The following ARHGAP25 variants were observed in gnomAD, a reference collection of about 807,000 sequenced individuals.
ARHGAP25 encodes rho GTPase-activating protein 25.
A neutral mutation model predicts 71.0 loss-of-function variants in ARHGAP25; 34 were observed. The observed-to-expected ratio is 0.48, with a 90% CI of 0.36 to 0.64. ARHGAP25 has a LOEUF of 0.64. Ranked by LOEUF, ARHGAP25 falls within the 30% of genes least tolerant of loss-of-function variation. The probability of loss-of-function intolerance (pLI) is 0.00; values close to 1 mark genes in which losing one functional copy is unlikely to be tolerated. For missense variants in ARHGAP25, 706 were observed against 805.1 expected (o/e 0.88, Z 1.49); for synonymous variants, 282 against 296.5 (o/e 0.95, Z 0.50).
rs190410665 is a variant in ARHGAP25 at position 68,769,204 on chromosome 2, T to C, written c.62-6017T>C. Among the ~76,000 whole-genome samples, 460 of 152,254 alleles carry C rather than the reference T, an allele frequency of 3.0e-3. 1 individual carries two copies. Among genetic ancestry groups the C allele is most frequent in the African/African-American group, 0.011 (438 of 41,536 alleles). Reference sequence around the variant, plus strand: ...CCCTCTATACCATCTCTCTCCCTCTTTTCATCCCTCCCCTCTGTAATATTC... The same window carrying C: ...CCCTCTATACCATCTCTCTCCCTCTCTTCATCCCTCCCCTCTGTAATATTC... On this transcript the variant is annotated intron_variant, in intron 1 of 10. Coordinates refer to ENST00000409202, the MANE Select transcript of ARHGAP25 (RefSeq NM_001007231.3).
intron 6 of ARHGAP25, among the ~76,000 whole-genome samples, chr2:68,814,471 C>T (rs1462870230): frequency 1.3e-5 from 2 of 152,102 alleles, no homozygotes; most frequent in African/African-American, 2.4e-5. Flanking sequence ...ATATTAGACA[C>T]CACAAACTTA....
At chr2:68,804,038 A>T (rs923461676) in intron 4 of ARHGAP25, among the ~76,000 whole-genome samples, 1 of 152,230 alleles carries the variant, frequency 6.6e-6, no homozygotes, top group Non-Finnish European at 1.5e-5. Context: ...TGTTGAAGAA[A>T]AAAGTATGGG....
At chr2:68,792,862 T>C (rs1679281386) in intron 4 of ARHGAP25, among the ~76,000 whole-genome samples, 1 of 152,238 alleles carries the variant, frequency 6.6e-6, no homozygotes, top group Non-Finnish European at 1.5e-5. Context: ...CTGTTTTCCA[T>C]AGAGGTTGAG....
At chr2:68,802,891 A>C (rs1262895815) in intron 4 of ARHGAP25, among the ~76,000 whole-genome samples, 2 of 152,002 alleles carry the variant, frequency 1.3e-5, no homozygotes, top group African/African-American at 4.8e-5. Flanking sequence ...ATCAATCCAT[A>C]TGTACACACA....
chr2:68,727,787 A>G (rs7572183), intron 2 of ARHGAP25, among the ~76,000 whole-genome samples: 79,415 of 152,190 alleles, frequency 0.52, 21,596 homozygotes, highest in East Asian at 0.69. Flanking sequence ...AACAGCTACA[A>G]CCATCATGGT....
chr2:68,741,343 C>A (rs1034882898), intron 1 of ARHGAP25, among the ~76,000 whole-genome samples: 3 of 152,152 alleles, frequency 2.0e-5, no homozygotes, highest in Non-Finnish European at 4.4e-5. Flanking sequence ...ATTCAGTGCT[C>A]AGAAAATAAC....
chr2:68,720,316 C>CAAAAAAAAAAAAAAAAAAAAAAA (rs11314943), intron 2 of ARHGAP25, among the ~76,000 whole-genome samples: 3 of 75,678 alleles, frequency 4.0e-5, no homozygotes, highest in African/African-American at 1.2e-4. Flanking sequence ...ACATTTCAGT[C>CAAAAAAAAAAAAAAAAAAAAAAA]AAAAAAAAAA....
intron 1 of ARHGAP25, among the ~76,000 whole-genome samples, chr2:68,756,943 A>G (rs929213668): frequency 4.1e-4 from 63 of 152,296 alleles, no homozygotes; most frequent in African/African-American, 1.5e-3. Context: ...TATGCATTAA[A>G]TGAAAATATC....
intron 1 of ARHGAP25, among the ~76,000 whole-genome samples, chr2:68,764,565 A>G (rs916688333): frequency 6.6e-6 from 1 of 152,108 alleles, no homozygotes; most frequent in Non-Finnish European, 1.5e-5. Context: ...TGGTATCGTG[A>G]CCTGGTTGAG....
At chr2:68,807,247 G>A (rs1644138665) in intron 4 of ARHGAP25, 26 bp from the exon 5 acceptor site, 1 of 1,610,914 alleles carries the variant, frequency 6.2e-7, no homozygotes, top group Admixed American at 1.7e-5. Flanking sequence ...AGAATGACGG[G>A]CAGGTTCTGT....
chr2:68,826,658 G>A lies in ARHGAP25; in HGVS notation c.*464G>A. The stretch of plus-strand genomic sequence containing the variant: ...TCCTCATCCATGGAGTGCTGTGTTT[G>A]GGGGGCTGCATCTGCTGAAGCGAGA... On this transcript the variant is annotated 3_prime_UTR_variant, in exon 11 of 11. Transcript: ENST00000409202. 4.0e-6 allele frequency: 1 copy of A among 247,714 alleles called. No individual in the cohort carries two copies. Among genetic ancestry groups the A allele is most frequent in the Non-Finnish European group, 8.1e-6 (1 of 123,390 alleles). The allele number at this position is 247,714 out of a possible 1,614,324, so 15.3% of individuals were successfully genotyped here.
intron 9 of ARHGAP25, 32 bp downstream of exon 9, chr2:68,819,351 G>A (rs779140073): frequency 7.1e-5 from 114 of 1,610,394 alleles, no homozygotes; most frequent in Non-Finnish European, 8.8e-5. Context: ...TGCTTCCATT[G>A]GGTTCTTCCT....
chr2:68,753,276 G>A (rs1044924738), intron 1 of ARHGAP25, among the ~76,000 whole-genome samples: 9 of 152,122 alleles, frequency 5.9e-5, no homozygotes, highest in Non-Finnish European at 1.3e-4. Context: ...GCTGTATGGC[G>A]GAATCAAGAC....
rs575697470 is a variant in ARHGAP25, at chr2:68,778,664, C to A, written c.261+3244C>A. On this transcript the variant is annotated intron_variant, in intron 2 of 10. Coordinates refer to ENST00000409202, the MANE Select transcript of ARHGAP25 (RefSeq NM_001007231.3). ...ACAACCTTTCTAGAAAGTCATCTGGCCAGATTTACTAAACACCAAAAAATT... is the reference window on the plus strand; with the variant it reads ...ACAACCTTTCTAGAAAGTCATCTGGACAGATTTACTAAACACCAAAAAATT... Among the ~76,000 whole-genome samples the A allele has an allele frequency of 3.9e-5, 6 of 152,238 alleles. No individual in the cohort carries two copies. The South Asian group carries it at 1.2e-3, about 32-fold the overall frequency.
intron 1 of ARHGAP25, among the ~76,000 whole-genome samples, chr2:68,774,487 A>G (rs181901131): frequency 4.2e-4 from 64 of 152,376 alleles, no homozygotes; most frequent in Non-Finnish European, 8.1e-4. Flanking sequence ...TTCTATTGGC[A>G]GTGACGATCT....
intron 9 of ARHGAP25, among the ~76,000 whole-genome samples, chr2:68,821,906 GTT>G (rs59964574): frequency 4.4e-3 from 361 of 81,456 alleles, no homozygotes; most frequent in Middle Eastern, 7.9e-3. Context: ...CTTTTTGCTA[GTT>G]TTTTTTTTTT....
chr2:68,718,139 G>T (rs1274645647), intron 2 of ARHGAP25, among the ~76,000 whole-genome samples: 1 of 141,156 alleles, frequency 7.1e-6, no homozygotes, highest in East Asian at 2.2e-4. Flanking sequence ...GTTAAGGGCA[G>T]ATTTGTTAAA....
At chr2:68,775,149 C>T in intron 1 of ARHGAP25, 72 bp from the exon 2 acceptor site, 1 of 1,612,146 alleles carries the variant, frequency 6.2e-7, no homozygotes, top group Non-Finnish European at 8.5e-7. Context: ...GGGTTCCTCT[C>T]TCCTCTCCGC....
intron 1 of ARHGAP25, among the ~76,000 whole-genome samples, chr2:68,774,161 T>G (rs995637775): frequency 6.6e-6 from 1 of 151,954 alleles, no homozygotes; most frequent in African/African-American, 2.4e-5. Context: ...AGGAGAGGGG[T>G]GCAGACACTG....
Sources: allele counts gnomAD v4.1 joint callset (sites outside exome capture counted in the v4.1 genomes callset), GRCh38; gene constraint gnomAD v4.1.1; transcripts MANE v1.5; gene names NCBI Gene and HGNC (gene_info 2026-07-23, HGNC 2026-07-21).